RBMS2: variants seen among roughly 807,000 people sequenced by gnomAD.
RBMS2 encodes RNA binding motif single stranded interacting protein 2.
In RBMS2, 38 loss-of-function variants were observed where a neutral mutation model predicts 58.4. The ratio of observed to expected loss-of-function variants is 0.65; its 90% CI spans 0.50 to 0.85. The LOEUF is 0.85. Among genes scored for constraint, RBMS2 ranks in the 40% least tolerant of loss-of-function variants. RBMS2 has a pLI of 0.00. For synonymous variants in RBMS2, 151 were observed against 180.7 expected, an observed-to-expected ratio of 0.84 and a Z score of 1.32; for missense variants, 367 against 503.7, an observed-to-expected ratio of 0.73 and a Z score of 2.60.
At chr12:56,579,099 C>T (rs1317890184) in intron 5 of RBMS2, among the ~76,000 whole-genome samples, 1 of 152,098 alleles carries the variant, frequency 6.6e-6, no homozygotes, top group African/African-American at 2.4e-5. Flanking sequence ...AATTGGAAAC[C>T]ATTTGAGAGG....
At chr12:56,588,698 A>G (rs998019124) in intron 12 of RBMS2, 31 of 595,416 alleles carry the variant, frequency 5.2e-5, no homozygotes, top group Non-Finnish European at 8.7e-5. Context: ...ACATTTGGCC[A>G]GCCAGTAGTT....
chr12:56,588,907 A>AC (rs772872275), intron 12 of RBMS2, 25 bp from the exon 13 acceptor site: 11 of 1,611,572 alleles, frequency 6.8e-6, no homozygotes, highest in African/African-American at 1.3e-5. Flanking sequence ...GCGCAAGATG[A>AC]CCCCCCTCCT....
chr12:56,569,566 T>C (rs534107009), intron 3 of RBMS2, among the ~76,000 whole-genome samples: 1 of 152,142 alleles, frequency 6.6e-6, no homozygotes, highest in Non-Finnish European at 1.5e-5. Context: ...CTGGGGTATA[T>C]CAAGAAAAGA....
intron 1 of RBMS2, among the ~76,000 whole-genome samples, chr12:56,556,327 G>A (rs1879224699): frequency 2.0e-5 from 3 of 151,246 alleles, no homozygotes; most frequent in South Asian, 4.2e-4. Context: ...TAATGTAAAA[G>A]TATGTCACTG....
At chr12:56,521,167 T>C (rs1345888206), upstream of RBMS2, among the ~76,000 whole-genome samples, 9 of 152,170 alleles carry the variant, frequency 5.9e-5, no homozygotes, top group Non-Finnish European at 1.3e-4. Flanking sequence ...TGGTGGCTCA[T>C]GCCTGTAATC....
At chr12:56,520,733 A>T (rs960096972), upstream of RBMS2, among the ~76,000 whole-genome samples, 3 of 147,520 alleles carry the variant, frequency 2.0e-5, no homozygotes, top group Non-Finnish European at 3.0e-5. Flanking sequence ...CTTCTTAAGT[A>T]TTTTTTTTTT....
rs563013519 is a variant in RBMS2, at chr12:56,540,432, G to A, written c.66+18343G>A. Reference sequence around the variant, plus strand: ...TTTCTGTCCCAGGCTGGAGTGGAGTGGTGTGATCATAGCTCACTGCAGCCT... The same window carrying A: ...TTTCTGTCCCAGGCTGGAGTGGAGTAGTGTGATCATAGCTCACTGCAGCCT... On this transcript the variant is annotated intron_variant, in intron 1 of 13. Coordinates refer to ENST00000262031, the MANE Select transcript of RBMS2 (RefSeq NM_002898.4). 3.2e-3 allele frequency among the ~76,000 whole-genome samples: 485 copies of A among 152,184 alleles called. 4 individuals are homozygous for A. The highest frequency in any genetic ancestry group is 0.011 in the African/African-American group (468 of 41,526).
chr12:56,565,359 T>C (rs1381035867), intron 2 of RBMS2, among the ~76,000 whole-genome samples: 1 of 152,222 alleles, frequency 6.6e-6, no homozygotes, highest in African/African-American at 2.4e-5. Context: ...ACCCAACAGT[T>C]ATTTTTTTAG....
intron 1 of RBMS2, among the ~76,000 whole-genome samples, chr12:56,542,225 C>T (rs188755655): frequency 2.6e-5 from 3 of 116,104 alleles, no homozygotes; most frequent in Admixed American, 2.0e-4. Context: ...CTAATTTTTG[C>T]ATTTTTCTTT....
intron 1 of RBMS2, among the ~76,000 whole-genome samples, chr12:56,548,477 G>T (rs1418987962): frequency 2.6e-5 from 4 of 152,120 alleles, no homozygotes; most frequent in African/African-American, 9.7e-5. Flanking sequence ...AATATTTGCT[G>T]AATGACTGAA....
Position 56,595,602 on chromosome 12 carries a change from G to A in RBMS2, c.*6469G>A, listed in dbSNP as rs1056044202. ...TTTTAAATAAAACACAAAAGTCTAC[G>A]TCTTGGTGTCTTATCCGTGAGTGGG... On this transcript the variant is annotated 3_prime_UTR_variant, in exon 14 of 14. Coordinates refer to ENST00000262031, the MANE Select transcript of RBMS2 (RefSeq NM_002898.4). 1.3e-5 allele frequency: 2 copies of A among 150,688 alleles called. No individual in the cohort carries two copies. Among genetic ancestry groups the A allele is most frequent in the Non-Finnish European group, 2.9e-5 (2 of 67,820 alleles). 9.3% of individuals were successfully genotyped at this position (150,688 alleles called of 1,614,324 possible).
intron 1 of RBMS2, among the ~76,000 whole-genome samples, chr12:56,523,694 AG>A (rs1161629052): frequency 6.6e-6 from 1 of 152,188 alleles, no homozygotes; most frequent in African/African-American, 2.4e-5. Context: ...TGGGGGACAG[AG>A]GTTGCAATGA....
At chr12:56,534,959 T>C (rs1374403637) in intron 1 of RBMS2, among the ~76,000 whole-genome samples, 3 of 152,230 alleles carry the variant, frequency 2.0e-5, no homozygotes, top group African/African-American at 7.2e-5. Context: ...TGTTTATTTC[T>C]TAACTTTCAT....
At chr12:56,570,755 T>A (rs1209577863) in intron 4 of RBMS2, among the ~76,000 whole-genome samples, 1 of 152,096 alleles carries the variant, frequency 6.6e-6, no homozygotes, top group Non-Finnish European at 1.5e-5. Context: ...TTTTTTGTAT[T>A]TTTAGTAGAG....
rs115884020 is a variant in RBMS2, at chr12:56,554,969, A to G, written c.67-7448A>G. On this transcript the variant is annotated intron_variant, in intron 1 of 13. Transcript: ENST00000262031. The stretch of plus-strand genomic sequence containing the variant: ...GTATATGCTTTTTCAGTATTTTACT[A>G]TTATAACGAATGATGCAATGAATAT... Among the ~76,000 whole-genome samples, 455 of 152,022 alleles carry G rather than the reference A, an allele frequency of 3.0e-3. 3 individuals are homozygous for G. The highest frequency in any genetic ancestry group is 0.011 in the African/African-American group (439 of 41,530).
intron 1 of RBMS2, among the ~76,000 whole-genome samples, chr12:56,528,307 G>T (rs1873064947): frequency 3.9e-5 from 6 of 152,058 alleles, no homozygotes; most frequent in Admixed American, 3.9e-4. Flanking sequence ...GGAAGATGAG[G>T]ATTGAAGAAT....
chr12:56,587,560 G>A lies in RBMS2; in HGVS notation c.958G>A (p.Val320Ile). The A allele has an allele frequency of 1.2e-6, 2 of 1,613,770 alleles. No homozygotes were observed. Among genetic ancestry groups the A allele is most frequent in the Non-Finnish European group, 1.7e-6 (2 of 1,179,816 alleles). Residue 320 changes from valine (V) to isoleucine (I), a missense_variant, in exon 11 of 14, where the codon GTT becomes ATT. Val to Ile is a conservative substitution (Grantham distance 29, BLOSUM62 3). Coordinates refer to ENST00000262031, the MANE Select transcript of RBMS2 (RefSeq NM_002898.4). ...HSYLMQPSGS[V>I]LTPGMDHPIS... The stretch of plus-strand genomic sequence containing the variant: ...CCTTTGTTGCTGCCTCTAGGGTTCA[G>A]TTCTGACACCAGGGATGGACCATCC...
chr12:56,535,921 G>A (rs1462025677), intron 1 of RBMS2, among the ~76,000 whole-genome samples: 1 of 152,106 alleles, frequency 6.6e-6, no homozygotes, highest in Non-Finnish European at 1.5e-5. Flanking sequence ...GATTGTCCTG[G>A]TGTGGTGGCT....
intron 4 of RBMS2, among the ~76,000 whole-genome samples, chr12:56,570,724 C>T (rs1317017400): frequency 6.6e-6 from 1 of 152,190 alleles, no homozygotes; most frequent in Non-Finnish European, 1.5e-5. Flanking sequence ...ACTACAGGCA[C>T]CCGCCATCAC....
Sources: allele counts gnomAD v4.1 joint callset (sites outside exome capture counted in the v4.1 genomes callset), GRCh38; gene constraint gnomAD v4.1.1; transcripts MANE v1.5; gene names NCBI Gene and HGNC (gene_info 2026-07-23, HGNC 2026-07-21).